The following TRPM1 variants were observed in gnomAD, a reference collection of about 807,000 sequenced individuals.
TRPM1 encodes the protein TRPM1-203 APA Isoform, Intron 10.
A neutral mutation model predicts 149.4 loss-of-function variants in TRPM1; 113 were observed. The observed-to-expected ratio is 0.76, with a 90% CI of 0.65 to 0.88. The LOEUF (loss-of-function observed/expected upper bound fraction) is 0.88, where lower values mean the gene tolerates loss of function less well. TRPM1 is among the 40% of genes least tolerant of loss of function. The pLI is 0.00. For missense variants in TRPM1, 1,976 were observed against 2,038.7 expected, an observed-to-expected ratio of 0.97 and a Z score of 0.59; for synonymous variants, 741 against 759.5, an observed-to-expected ratio of 0.98 and a Z score of 0.40.
intron 27 of TRPM1, among the ~76,000 whole-genome samples, chr15:31,013,072 C>G (rs2032243497): frequency 6.6e-6 from 1 of 151,148 alleles, no homozygotes; most frequent in Non-Finnish European, 1.5e-5. Context: ...CCTTGAATTC[C>G]TGGGCTCAAG....
intron 13 of TRPM1, 29 bp downstream of exon 13, chr15:31,049,346 G>A (rs760659119): frequency 1.5e-4 from 241 of 1,613,880 alleles, no homozygotes; most frequent in Middle Eastern, 1.6e-4. Flanking sequence ...GCTGCCTCCC[G>A]CTTCCTTCCC....
At chr15:31,051,368 G>A (rs1451220019) in intron 11 of TRPM1, among the ~76,000 whole-genome samples, 1 of 152,186 alleles carries the variant, frequency 6.6e-6, no homozygotes, top group Non-Finnish European at 1.5e-5. Flanking sequence ...CCTACCTGAG[G>A]AGCCTCCATT....
At chr15:31,023,986 A>G (rs574735740) in intron 27 of TRPM1, among the ~76,000 whole-genome samples, 1 of 152,298 alleles carries the variant, frequency 6.6e-6, no homozygotes, top group African/African-American at 2.4e-5. Context: ...CACTAAAAGC[A>G]CCCTGCGTGG....
rs2032270293 is a variant in TRPM1, at chr15:31,013,897, GA to G, written c.3630-10828del. Reference sequence around the variant, plus strand: ...ACTTAGAGATTTCCTTAAATGTGTGGAACAAAAACAACAAAATCTTCTAGTC... The same window carrying G: ...ACTTAGAGATTTCCTTAAATGTGTGGACAAAAACAACAAAATCTTCTAGTC... On this transcript the variant is annotated intron_variant, in intron 27 of 27. Coordinates refer to ENST00000256552, the MANE Select transcript of TRPM1 (RefSeq NM_001252024.2). Among the ~76,000 whole-genome samples, 3 of 152,136 alleles carry G rather than the reference GA, an allele frequency of 2.0e-5. No homozygotes were observed. The South Asian group carries it at 6.2e-4, about 32-fold the overall frequency.
chr15:31,071,959 G>A (rs1420525534), intron 3 of TRPM1, among the ~76,000 whole-genome samples: 5 of 65,728 alleles, frequency 7.6e-5, no homozygotes, highest in Admixed American at 2.2e-4. Flanking sequence ...GTGAGACTCC[G>A]TCTCAAAAAA....
At chr15:31,035,258 AG>A (rs781295775) in intron 21 of TRPM1, among the ~76,000 whole-genome samples, 3 of 152,062 alleles carry the variant, frequency 2.0e-5, no homozygotes, top group Non-Finnish European at 2.9e-5. Context: ...CTCACACCTC[AG>A]CCTCCCTAGT....
At chr15:31,117,109 G>A (rs964547613) in intron 1 of TRPM1, among the ~76,000 whole-genome samples, 1 of 152,188 alleles carries the variant, frequency 6.6e-6, no homozygotes, top group African/African-American at 2.4e-5. Flanking sequence ...CAACACTTTG[G>A]GAGGCCGAGG....
At chr15:31,112,017 T>C (rs925246935) in intron 1 of TRPM1, among the ~76,000 whole-genome samples, 1 of 152,172 alleles carries the variant, frequency 6.6e-6, no homozygotes, top group African/African-American at 2.4e-5. Flanking sequence ...TTTTATCTTT[T>C]GAAAAAATCT....
intron 1 of TRPM1, among the ~76,000 whole-genome samples, chr15:31,140,451 G>C (rs2036147367): frequency 6.6e-6 from 1 of 152,182 alleles, no homozygotes; most frequent in Admixed American, 6.5e-5. Flanking sequence ...CTAATGGGAG[G>C]TGTTTGGGTC....
At chr15:31,007,652 GCAACAACAACAACAA>G (rs55739225) in intron 27 of TRPM1, among the ~76,000 whole-genome samples, 7 of 139,852 alleles carry the variant, frequency 5.0e-5, no homozygotes, top group African/African-American at 8.6e-5. Flanking sequence ...CAGCAGCGCA[GCAACAACAACAACAA>G]CAACAACAAC....
intron 3 of TRPM1, among the ~76,000 whole-genome samples, chr15:31,071,874 G>T (rs2034548235): frequency 6.7e-6 from 1 of 149,262 alleles, no homozygotes; most frequent in South Asian, 2.1e-4. Flanking sequence ...TGAGGCAGGA[G>T]AATCGTTTGA....
chr15:31,090,493 C>G (rs980568748), intron 1 of TRPM1, among the ~76,000 whole-genome samples: 1 of 151,878 alleles, frequency 6.6e-6, no homozygotes, highest in Non-Finnish European at 1.5e-5. Flanking sequence ...AAAAATTAGC[C>G]AGGTGTGGTG....
chr15:31,098,233 G>T (rs1450884968), intron 1 of TRPM1, among the ~76,000 whole-genome samples: 1 of 152,160 alleles, frequency 6.6e-6, no homozygotes, highest in Non-Finnish European at 1.5e-5. Flanking sequence ...CTGAGGTCAG[G>T]AGTTTGAGAC....
At chr15:31,065,951 C>G (rs1210774718) in intron 7 of TRPM1, 125 bp downstream of exon 7, 4 of 1,195,118 alleles carry the variant, frequency 3.3e-6, no homozygotes, top group African/African-American at 3.0e-5. Context: ...GAGTCATTTT[C>G]TGTTGACCTA....
chr15:31,120,127 C>CT (rs941754631), intron 1 of TRPM1, among the ~76,000 whole-genome samples: 2 of 151,216 alleles, frequency 1.3e-5, no homozygotes, highest in Admixed American at 6.6e-5. Context: ...TTTCTTTTTT[C>CT]TTTTTTTTAC....
At chr15:31,134,420 G>A (rs2036061747) in intron 1 of TRPM1, among the ~76,000 whole-genome samples, 1 of 152,132 alleles carries the variant, frequency 6.6e-6, no homozygotes, top group Non-Finnish European at 1.5e-5. Flanking sequence ...AAACACCATA[G>A]AAGTTACCCT....
intron 27 of TRPM1, among the ~76,000 whole-genome samples, chr15:31,014,193 G>T (rs979110439): frequency 6.6e-6 from 1 of 152,092 alleles, no homozygotes; most frequent in Non-Finnish European, 1.5e-5. Flanking sequence ...TCTATTGTTT[G>T]CCCCAGCTGT....
rs763463725 is a variant in TRPM1, at chr15:31,026,924, G to C, written c.3487C>G (p.Arg1163Gly). ...KREGDQEERD[R>G]GLKLFLSDEE... ...AGAGCCCTGCACATACTCAATCCAC[G>C]ATCCCGTTCCTCTTGGTCCCCTTCT... Residue 1163 changes from arginine to glycine, a missense_variant, in exon 26 of 28, where the codon CGT (arginine) becomes GGT (glycine). Arg to Gly is a moderately radical substitution (Grantham distance 125). This residue lies in a region of TRPM1 where 572 missense variants were observed against 578.9 expected (regional missense o/e 0.99). Transcript: ENST00000256552. 1.1e-5 allele frequency: 17 copies of C among 1,613,678 alleles called. No homozygotes were observed. Among genetic ancestry groups the C allele is most frequent in the African/African-American group, 2.7e-5 (2 of 74,880 alleles).
chr15:31,150,627 G>A (rs2036288762), intron 1 of TRPM1, among the ~76,000 whole-genome samples: 1 of 151,922 alleles, frequency 6.6e-6, no homozygotes, highest in Non-Finnish European at 1.5e-5. Flanking sequence ...GCAGAGATGG[G>A]GTTTCACCAT....
Sources: gnomAD v4.1 joint callset for allele counts (sites outside exome capture counted in the v4.1 genomes callset) on GRCh38, gnomAD v4.1.1 for gene constraint, gnomAD v4.1.1 regional missense constraint, MANE v1.5 for transcripts, NCBI Gene and HGNC (gene_info 2026-07-23, HGNC 2026-07-21) for gene names.